The following CDH18 variants were observed in gnomAD, a reference collection of about 807,000 sequenced individuals.
CDH18 encodes the protein cadherin 18.
A neutral mutation model predicts 67.9 loss-of-function variants in CDH18; 31 were observed. The observed-to-expected ratio is 0.46, with a 90% confidence interval of 0.34 to 0.62. The LOEUF (loss-of-function observed/expected upper bound fraction) is 0.62, where lower values mean the gene tolerates loss of function less well. Ranked by LOEUF, CDH18 falls within the 20% of genes least tolerant of loss-of-function variation. The pLI is 0.01. For missense variants in CDH18, 890 were observed against 975.5 expected (o/e 0.91, Z 1.17); for synonymous variants, 362 against 347.2 (o/e 1.04, Z -0.48).
chr5:20,325,658 GAAAA>G (rs1045844668), intron 1 of CDH18, among the ~76,000 whole-genome samples: 1 of 144,450 alleles, frequency 6.9e-6, no homozygotes, highest in Admixed American at 6.9e-5. Context: ...TCTGTCTTTA[GAAAA>G]AAAAAAGAAA....
intron 1 of CDH18, among the ~76,000 whole-genome samples, chr5:20,572,516 T>G (rs1192741085): frequency 1.3e-5 from 2 of 152,190 alleles, no homozygotes; most frequent in Non-Finnish European, 2.9e-5. Context: ...ACAGTAAGTT[T>G]GAAAAGCATA....
intron 2 of CDH18, among the ~76,000 whole-genome samples, chr5:20,244,342 T>C (rs1241463764): frequency 2.0e-5 from 3 of 152,230 alleles, no homozygotes; most frequent in Middle Eastern, 6.8e-3. Flanking sequence ...TCTGACATCA[T>C]AATGAGTTCT....
At chr5:19,635,253 A>T (rs1294924149) in intron 5 of CDH18, among the ~76,000 whole-genome samples, 1 of 152,208 alleles carries the variant, frequency 6.6e-6, no homozygotes, top group East Asian at 1.9e-4. Flanking sequence ...AAATCCATCT[A>T]ATCACAGTTG....
chr5:19,847,499 T>G (rs1045395526), intron 2 of CDH18, among the ~76,000 whole-genome samples: 1 of 152,142 alleles, frequency 6.6e-6, no homozygotes, highest in Non-Finnish European at 1.5e-5. Context: ...ATTTTGTTTA[T>G]GCATTGTTTT....
chr5:19,564,553 A>G (rs897581528), intron 8 of CDH18, among the ~76,000 whole-genome samples: 2 of 152,154 alleles, frequency 1.3e-5, no homozygotes, highest in African/African-American at 4.8e-5. Context: ...GACCTTGAGT[A>G]AGCATCAACT....
chr5:19,550,176 G>A (rs1737152353), intron 8 of CDH18, among the ~76,000 whole-genome samples: 1 of 152,094 alleles, frequency 6.6e-6, no homozygotes, highest in South Asian at 2.1e-4. Context: ...GCTTCATGTA[G>A]TAGGTAGGAA....
intron 7 of CDH18, among the ~76,000 whole-genome samples, chr5:19,589,779 A>G (rs909273086): frequency 2.0e-5 from 3 of 152,046 alleles, no homozygotes; most frequent in African/African-American, 7.2e-5. Flanking sequence ...ATTCAGCCAC[A>G]TTATTTTGAT....
intron 1 of CDH18, among the ~76,000 whole-genome samples, chr5:20,391,972 C>G (rs1260460670): frequency 2.6e-5 from 4 of 151,810 alleles, no homozygotes; most frequent in Non-Finnish European, 4.4e-5. Flanking sequence ...TACTTAGTCT[C>G]TAAAGCAAAA....
At chr5:20,153,543 C>T (rs1012147437) in intron 2 of CDH18, among the ~76,000 whole-genome samples, 1 of 152,118 alleles carries the variant, frequency 6.6e-6, no homozygotes, top group Non-Finnish European at 1.5e-5. Context: ...GTGTATTAGT[C>T]TGTTCAGGCT....
intron 1 of CDH18, among the ~76,000 whole-genome samples, chr5:20,335,471 A>T (rs755325955): frequency 6.6e-6 from 1 of 152,076 alleles, no homozygotes; most frequent in Non-Finnish European, 1.5e-5. Flanking sequence ...TTGAACTCCC[A>T]GCCTCAAGTG....
intron 10 of CDH18, among the ~76,000 whole-genome samples, chr5:19,515,398 C>T (rs1745817628): frequency 6.6e-6 from 1 of 152,080 alleles, no homozygotes; most frequent in Admixed American, 6.5e-5. Flanking sequence ...TCATTGGTAG[C>T]TTGATGGGGA....
chr5:19,818,013 A>AT (rs1167126739), intron 3 of CDH18, among the ~76,000 whole-genome samples: 10 of 151,998 alleles, frequency 6.6e-5, no homozygotes, highest in Admixed American at 2.0e-4. Flanking sequence ...TTTTCTTTCC[A>AT]TTTTTTTCCC....
chr5:20,274,627 C>A (rs898924448), intron 1 of CDH18, among the ~76,000 whole-genome samples: 2 of 151,902 alleles, frequency 1.3e-5, no homozygotes, highest in African/African-American at 4.8e-5. Context: ...TTTCAATAAA[C>A]CTGTTCTTAA....
chr5:19,879,411 T>C (rs1787377573), intron 2 of CDH18, among the ~76,000 whole-genome samples: 2 of 151,258 alleles, frequency 1.3e-5, no homozygotes, highest in African/African-American at 2.5e-5. Flanking sequence ...AAGGAAATGA[T>C]GAAAAGGGGA....
intron 4 of CDH18, among the ~76,000 whole-genome samples, chr5:19,733,185 C>G (rs1304026148): frequency 6.6e-6 from 1 of 152,140 alleles, no homozygotes; most frequent in Admixed American, 6.5e-5. Flanking sequence ...GCCTGAAGAC[C>G]AAGCTACAAG....
At chr5:19,906,875 T>C (rs1315744652) in intron 2 of CDH18, among the ~76,000 whole-genome samples, 1 of 152,056 alleles carries the variant, frequency 6.6e-6, no homozygotes, top group African/African-American at 2.4e-5. Flanking sequence ...TGTGTCTGTC[T>C]CTTTCTCTCT....
intron 9 of CDH18, among the ~76,000 whole-genome samples, chr5:19,522,876 C>A (rs554498462): frequency 6.5e-5 from 8 of 122,722 alleles, no homozygotes; most frequent in African/African-American, 9.7e-5. Context: ...GCCTGAGTGA[C>A]AGAGTGAGAC....
At chr5:19,973,136 G>A (rs990291372) in intron 2 of CDH18, among the ~76,000 whole-genome samples, 1 of 152,016 alleles carries the variant, frequency 6.6e-6, no homozygotes, top group Non-Finnish European at 1.5e-5. Flanking sequence ...CAAAATGGAT[G>A]CTTTTAACAA....
upstream of CDH18, among the ~76,000 whole-genome samples, chr5:19,992,443 C>A (rs1579976388): frequency 2.1e-5 from 3 of 143,550 alleles, no homozygotes; most frequent in African/African-American, 2.6e-5. Flanking sequence ...AAGTATATGC[C>A]AGACTTAAAA....
Sources: gnomAD v4.1 joint callset for allele counts (sites outside exome capture counted in the v4.1 genomes callset) on GRCh38, gnomAD v4.1.1 for gene constraint, MANE v1.5 for transcripts, NCBI Gene and HGNC (gene_info 2026-07-23, HGNC 2026-07-21) for gene names.